SYDE2: variants seen among roughly 807,000 people sequenced by gnomAD.
SYDE2 encodes the protein synapse defective Rho GTPase homolog 2, also known as rho GTPase-activating protein SYDE2.
SYDE2 carries 76 observed loss-of-function variants against 91.5 expected under a neutral mutation model. That is an observed-to-expected ratio of 0.83 (90% CI 0.69 to 1.01). The LOEUF (loss-of-function observed/expected upper bound fraction) is 1.01. Ranked by LOEUF, SYDE2 falls within the 50% of genes least tolerant of loss-of-function variation. The pLI, the probability that SYDE2 is intolerant of heterozygous loss-of-function variation, is 0.00. For synonymous variants in SYDE2, 513 were observed against 506.4 expected (o/e 1.01, Z -0.18); for missense variants, 1,364 against 1,367.7 (o/e 1.00, Z 0.04).
Position 85,158,481 on chromosome 1 carries a change from G to A in SYDE2, c.*269C>T, listed in dbSNP as rs781728441. 5.9e-6 allele frequency: 2 copies of A among 339,688 alleles called. No homozygotes were observed. Among genetic ancestry groups the A allele is most frequent in the Non-Finnish European group, 1.0e-5 (2 of 192,042 alleles). The allele number at this position is 339,688 out of a possible 1,614,324, so 21.0% of individuals were successfully genotyped here. ...ATAACTTATGTGAACCTTCTTAAGT[G>A]CATTTGAAAGTTATCTCCATAGAGT... On this transcript the variant is annotated 3_prime_UTR_variant, in exon 7 of 7. Transcript: ENST00000341460.
Position 85,157,449 on chromosome 1 carries a change from A to C in SYDE2, c.*1301T>G, listed in dbSNP as rs1416798730. The C allele has an allele frequency of 6.6e-6, 1 of 152,170 alleles. No individual in the cohort carries two copies. The highest frequency in any genetic ancestry group is 1.5e-5 in the Non-Finnish European group (1 of 67,990). 9.4% of individuals were successfully genotyped at this position (152,170 alleles called of 1,614,324 possible). A position where few individuals can be genotyped will look rare whatever the true frequency, so the allele number is the denominator to read the frequency against. ...TTTAGAAACAAATGGGGGTAATTAT[A>C]AAGTCAATGTTATAAATGTACTACT... On this transcript the variant is annotated 3_prime_UTR_variant, in exon 7 of 7. Coordinates refer to ENST00000341460, the MANE Select transcript of SYDE2 (RefSeq NM_032184.2).
intron 4 of SYDE2, among the ~76,000 whole-genome samples, chr1:85,177,376 G>C (rs1181009618): frequency 6.6e-6 from 1 of 152,082 alleles, no homozygotes; most frequent in Non-Finnish European, 1.5e-5. Flanking sequence ...AACTTTGCTT[G>C]ATCTACCCAT....
intron 1 of SYDE2, among the ~76,000 whole-genome samples, chr1:85,194,563 T>G (rs1658506891): frequency 6.6e-6 from 1 of 151,124 alleles, no homozygotes; most frequent in Admixed American, 6.6e-5. Flanking sequence ...AAAATAAGTA[T>G]GCAAAGTTAC....
chr1:85,163,445 C>CTATCTATCTA (rs1174209275), intron 6 of SYDE2, among the ~76,000 whole-genome samples: 7 of 87,608 alleles, frequency 8.0e-5, no homozygotes, highest in African/African-American at 2.4e-4. Context: ...GTACTTTAAT[C>CTATCTATCTA]TATATATATA....
chr1:85,157,624 G>A lies in SYDE2; in HGVS notation c.*1126C>T, dbSNP rs895592405. ...ATTTAAAAGATGACTTTTCCCAGGG[G>A]ACATTGTGACTTTCTGTGAATAAAG... On this transcript the variant is annotated 3_prime_UTR_variant, in exon 7 of 7. Transcript: ENST00000341460. The A allele has an allele frequency of 6.6e-6, 1 of 152,116 alleles. No homozygotes were observed. The highest frequency in any genetic ancestry group is 6.5e-5 in the Admixed American group (1 of 15,272). 9.4% of individuals were successfully genotyped at this position (152,116 alleles called of 1,614,324 possible).
At chr1:85,198,040 A>G (rs891405827) in intron 1 of SYDE2, among the ~76,000 whole-genome samples, 1 of 152,184 alleles carries the variant, frequency 6.6e-6, no homozygotes. Flanking sequence ...TTACCCCGCT[A>G]TGCCTTGTTG....
chr1:85,181,705 A>G (rs1431328017), intron 3 of SYDE2: 1 of 155,364 alleles, frequency 6.4e-6, no homozygotes, highest in Non-Finnish European at 1.4e-5. Flanking sequence ...TTATAAATTC[A>G]GATAGTACTA....
Position 85,158,823 on chromosome 1 carries a change from T to G in SYDE2, c.3512A>C (p.Gln1171Pro), listed in dbSNP as rs1489667633. 1 of 774,482 alleles carries G rather than the reference T, an allele frequency of 1.3e-6. No individual in the cohort carries two copies. Among genetic ancestry groups the G allele is most frequent in the South Asian group, 1.4e-5 (1 of 72,504 alleles). 48.0% of individuals were successfully genotyped at this position (774,482 alleles called of 1,614,324 possible). A position where few individuals can be genotyped will look rare whatever the true frequency, so the allele number is the denominator to read the frequency against. Residue 1171 changes from glutamine (Q) to proline (P), a missense_variant, in exon 7 of 7, where the codon CAA becomes CCA. Physicochemically the swap from Gln to Pro is moderately conservative, Grantham distance 76 (BLOSUM62 -1). Coordinates refer to ENST00000341460, the MANE Select transcript of SYDE2 (RefSeq NM_032184.2). ...VDRKNNLKDL[Q>P]ESIDTLIGNL... ...TCCAATCAAAGTATCAATACTTTCT[T>G]GTAGATCTTTGAGATTGTTTTTTCG...
At position 85,156,960 on chromosome 1, in the gene SYDE2, C is replaced by T. The variant is rs1318271745; in HGVS notation, c.*1790G>A. The T allele has an allele frequency of 6.6e-6, 1 of 152,014 alleles. No homozygotes were observed. The allele number at this position is 152,014 out of a possible 1,614,324, so 9.4% of individuals were successfully genotyped here. ...AACAAAAGGAAGGAAACTGAGACAGCTTTCCTATAAAACATTCAAGAGTAC... is the reference window on the plus strand; with the variant it reads ...AACAAAAGGAAGGAAACTGAGACAGTTTTCCTATAAAACATTCAAGAGTAC... On this transcript the variant is annotated 3_prime_UTR_variant, in exon 7 of 7. Transcript: ENST00000341460.
At chr1:85,160,889 AC>A in intron 6 of SYDE2, 1 of 985,374 alleles carries the variant, frequency 1.0e-6, no homozygotes, top group Non-Finnish European at 1.2e-6. Context: ...CTCACCTAAG[AC>A]CCTACTGAAA....
chr1:85,159,637 A>G (rs1235492898), intron 6 of SYDE2, among the ~76,000 whole-genome samples: 3 of 152,250 alleles, frequency 2.0e-5, no homozygotes, highest in African/African-American at 7.2e-5. Flanking sequence ...CAAACAAAAT[A>G]TAACAAGAAG....
chr1:85,165,652 A>G (rs1287282731), intron 5 of SYDE2, among the ~76,000 whole-genome samples: 1 of 151,542 alleles, frequency 6.6e-6, no homozygotes, highest in Non-Finnish European at 1.5e-5. Context: ...GTTAGAAATG[A>G]AAGAAAAAAA....
intron 1 of SYDE2, among the ~76,000 whole-genome samples, chr1:85,199,312 T>C (rs193132361): frequency 1.1e-4 from 16 of 152,304 alleles, no homozygotes; most frequent in African/African-American, 3.1e-4. Flanking sequence ...CCATGTTGTT[T>C]TGGCTCACTT....
chr1:85,194,756 T>C (rs1469429489), intron 1 of SYDE2: 20 of 910,068 alleles, frequency 2.2e-5, no homozygotes, highest in Non-Finnish European at 2.6e-5. Context: ...TTTTCTCAAC[T>C]ATTATTTCAT....
rs1658184759 is a variant in SYDE2 at position 85,187,381 on chromosome 1, G to T, written c.1441+2676C>A. 3.3e-5 allele frequency among the ~76,000 whole-genome samples: 5 copies of T among 152,196 alleles called. No individual in the cohort carries two copies. In the South Asian group the frequency reaches 1.0e-3, roughly 32 times the overall value. ...TCAGGAAACAACAGGTGCTGGAGAG[G>T]ATGTGGAGAAATAGGAACACTTTTA... On this transcript the variant is annotated intron_variant, in intron 2 of 6. Coordinates refer to ENST00000341460, the MANE Select transcript of SYDE2 (RefSeq NM_032184.2).
chr1:85,162,473 T>A (rs1480553053), intron 6 of SYDE2, among the ~76,000 whole-genome samples: 3 of 152,220 alleles, frequency 2.0e-5, no homozygotes, highest in African/African-American at 7.2e-5. Context: ...AACTGTTGTT[T>A]CTTCTCAACT....
At position 85,200,915 on chromosome 1, in the gene SYDE2, C is replaced by T. The variant is rs896247317; in HGVS notation, c.82G>A (p.Ala28Thr). The change falls in exon 1 of 7, where the codon GCT becomes ACT. Residue 28 changes from alanine to threonine, a missense_variant. Coordinates refer to ENST00000341460, the MANE Select transcript of SYDE2 (RefSeq NM_032184.2). ...CCGCGGGAAGGCGGCTGGCCCGGAG[C>T]CCGGGCTCCCGCGGGGAAGCTGTGA... ...ADHSFPAGAR[A>T]PGQPPSRGAA... is the part of the protein sequence containing the mutation. 3 of 1,320,772 alleles carry T rather than the reference C, an allele frequency of 2.3e-6. No individual in the cohort carries two copies. The highest frequency in any genetic ancestry group is 2.9e-6 in the Non-Finnish European group (3 of 1,044,404). The allele number at this position is 1,320,772 out of a possible 1,614,324, so 81.8% of individuals were successfully genotyped here.
chr1:85,196,958 C>T (rs1238135489), intron 1 of SYDE2, among the ~76,000 whole-genome samples: 1 of 152,000 alleles, frequency 6.6e-6, no homozygotes, highest in Non-Finnish European at 1.5e-5. Flanking sequence ...TTTTTTCTTT[C>T]CCAGACCATG....
intron 6 of SYDE2, among the ~76,000 whole-genome samples, chr1:85,163,789 CT>C (rs2100646637): frequency 6.6e-6 from 1 of 152,092 alleles, no homozygotes; most frequent in Admixed American, 6.5e-5. Flanking sequence ...GCAGGGGTTA[CT>C]AAAATCTAAG....
Sources: allele counts gnomAD v4.1 joint callset (sites outside exome capture counted in the v4.1 genomes callset), GRCh38; gene constraint gnomAD v4.1.1; transcripts MANE v1.5; gene names NCBI Gene and HGNC (gene_info 2026-07-23, HGNC 2026-07-21).